ASAH1: variants seen among roughly 807,000 people sequenced by gnomAD.
ASAH1 encodes N-acylsphingosine amidohydrolase 1, also known as acid ceramidase.
In ASAH1, 70 loss-of-function variants were observed where a neutral mutation model predicts 59.5. That is an observed-to-expected ratio of 1.18 (90% CI 0.97 to 1.43). ASAH1 has a LOEUF of 1.43. ASAH1 is among the 40% of genes most tolerant of loss of function. The pLI is 0.00. For missense variants in ASAH1, 660 were observed against 482.5 expected (o/e 1.37, Z -3.45); for synonymous variants, 213 against 166.5 (o/e 1.28, Z -2.15).
chr8:18,080,501 C>T (rs1800607550), intron 1 of ASAH1, among the ~76,000 whole-genome samples: 2 of 152,142 alleles, frequency 1.3e-5, no homozygotes, highest in South Asian at 4.1e-4. Flanking sequence ...TAATATTCAA[C>T]ATAGTTAACC....
At chr8:18,077,911 T>C (rs1252171292) in intron 1 of ASAH1, among the ~76,000 whole-genome samples, 1 of 152,220 alleles carries the variant, frequency 6.6e-6, no homozygotes, top group Non-Finnish European at 1.5e-5. Flanking sequence ...AATACTGTGA[T>C]GGGTACTTAA....
At chr8:18,083,869 A>C in intron 1 of ASAH1, 112 bp downstream of exon 1, 1 of 1,523,506 alleles carries the variant, frequency 6.6e-7, no homozygotes. Context: ...CCCCGTAAAG[A>C]AGCTGCCCAG....
intron 1 of ASAH1, among the ~76,000 whole-genome samples, chr8:18,077,344 C>T (rs112279525): frequency 0.033 from 4,968 of 152,266 alleles, 115 homozygotes; most frequent in South Asian, 0.053. Flanking sequence ...TGCTCAACTC[C>T]GCCTTTTTCT....
At chr8:18,073,665 T>C (rs1464048678) in intron 2 of ASAH1, among the ~76,000 whole-genome samples, 3 of 152,346 alleles carry the variant, frequency 2.0e-5, no homozygotes, top group South Asian at 4.1e-4. Context: ...ATCTTTTTCT[T>C]CCCTCATATC....
intron 1 of ASAH1, among the ~76,000 whole-genome samples, chr8:18,078,377 G>A (rs547906604): frequency 3.9e-5 from 6 of 152,274 alleles, no homozygotes; most frequent in East Asian, 1.9e-4. Context: ...GGTTGATAAC[G>A]ACTCTTGGTA....
Position 18,077,458 on chromosome 8 carries a change from G to A in ASAH1, c.79-1871C>T, listed in dbSNP as rs186327303. Among the ~76,000 whole-genome samples, 12 of 152,024 alleles carry A rather than the reference G, an allele frequency of 7.9e-5. No homozygotes were observed. In the East Asian group the frequency reaches 1.2e-3, roughly 15 times the overall value. ...TCTCAGCTTCTTCGAAAACATCCTC[G>A]CCTGTAGTTGTTTTATACAGATGAT... On this transcript the variant is annotated intron_variant, in intron 1 of 13. Transcript: ENST00000637790.
At chr8:18,084,223 G>A (rs1308253048), upstream of ASAH1, 7 of 1,495,824 alleles carry the variant, frequency 4.7e-6, no homozygotes, top group South Asian at 9.0e-5. Context: ...GGGAGGAGAG[G>A]ACGGGGCTTT....
At chr8:18,078,603 C>A (rs1461938569) in intron 1 of ASAH1, among the ~76,000 whole-genome samples, 1 of 152,074 alleles carries the variant, frequency 6.6e-6, no homozygotes. Flanking sequence ...TACAGGGAGA[C>A]ACAGCTTCAA....
Position 18,071,362 on chromosome 8 carries a change from T to A in ASAH1, c.154A>T (p.Ile52Leu). 1.2e-6 allele frequency: 2 copies of A among 1,600,920 alleles called. No individual in the cohort carries two copies. The highest frequency in any genetic ancestry group is 1.7e-6 in the Non-Finnish European group (2 of 1,170,956). ...TYRGAVPWYT[I>L]NLDLPPYKRW... ...TTGTAGGGTGGTAAGTCAAGATTTA[T>A]GGTGTACCATGGAACTGCACCTCTG... is the stretch of plus-strand genomic sequence containing the variant. Residue 52 changes from isoleucine (I) to leucine (L), a missense_variant, in exon 3 of 14, where the codon ATA becomes TTA. Coordinates refer to ENST00000637790, the MANE Select transcript of ASAH1 (RefSeq NM_177924.5).
At chr8:18,064,575 A>G (rs1799851685) in intron 5 of ASAH1, 44 bp from the exon 6 acceptor site, 1 of 1,093,362 alleles carries the variant, frequency 9.1e-7, no homozygotes, top group Non-Finnish European at 1.4e-6. Context: ...GAACCATGAC[A>G]ATGGGAGAAA....
rs2117018548 is a variant in ASAH1 at position 18,059,596 on chromosome 8, C to T, written c.893G>A (p.Arg298Lys). 1 of 1,614,204 alleles carries T rather than the reference C, an allele frequency of 6.2e-7. No individual in the cohort carries two copies. The highest frequency in any genetic ancestry group is 2.2e-5 in the East Asian group (1 of 44,880). Residue 298 changes from arginine (R) to lysine (K), a missense_variant, in exon 11 of 14, where the codon AGA becomes AAA. Physicochemically the swap from Arg to Lys is conservative, Grantham distance 26. Coordinates refer to ENST00000637790, the MANE Select transcript of ASAH1 (RefSeq NM_177924.5). Reference protein sequence around the residue: ...SGEGCVITRDRKESLDVYELD... With the variant: ...SGEGCVITRDKKESLDVYELD... Reference sequence around the variant, plus strand: ...CTCATATACATCCAATGATTCCTTTCTGTCTCGTGTAATCACACAACCTTC... The same window carrying T: ...CTCATATACATCCAATGATTCCTTTTTGTCTCGTGTAATCACACAACCTTC...
At chr8:18,079,718 C>G (rs1157139458) in intron 1 of ASAH1, among the ~76,000 whole-genome samples, 2 of 152,206 alleles carry the variant, frequency 1.3e-5, no homozygotes, top group Non-Finnish European at 2.9e-5. Flanking sequence ...CCAAACAACT[C>G]TAGCCAGACA....
rs375599238 is a variant in ASAH1, at chr8:18,061,680, A to G, written c.703+6T>C. Reference sequence around the variant, plus strand: ...TTCCCATTTCACTTGAGAATGCTCTACTTACCCAGATAACCACCATTTATA... The same window carrying G: ...TTCCCATTTCACTTGAGAATGCTCTGCTTACCCAGATAACCACCATTTATA... On this transcript the variant is annotated splice_donor_region_variant and intron_variant, in intron 9 of 13. Transcript: ENST00000637790. 1.3e-5 allele frequency: 21 copies of G among 1,584,146 alleles called. No homozygotes were observed. The highest frequency in any genetic ancestry group is 1.7e-5 in the Non-Finnish European group (20 of 1,163,034).
chr8:18,057,717 G>C, intron 13 of ASAH1, 94 bp from the exon 14 acceptor site: 2 of 764,020 alleles, frequency 2.6e-6, no homozygotes, highest in Admixed American at 2.3e-5. Flanking sequence ...ATTTGCTTTA[G>C]AAGTTATTTA....
chr8:18,066,422 C>CAAAAAAAAAAAAAAAAAAACA (rs35999931), intron 5 of ASAH1: 4 of 127,316 alleles, frequency 3.1e-5, no homozygotes, highest in Non-Finnish European at 6.8e-5. Context: ...CAAAGAAAAC[C>CAAAAAAAAAAAAAAAAAAACA]AAAAAAAAAA....
At chr8:18,058,621 A>G (rs1169383167) in intron 13 of ASAH1, 8 of 580,562 alleles carry the variant, frequency 1.4e-5, no homozygotes, top group Non-Finnish European at 2.4e-5. Flanking sequence ...TAAAGCTATA[A>G]ACAATATTCT....
At chr8:18,065,864 T>G (rs1240944331) in intron 5 of ASAH1, 1 of 149,258 alleles carries the variant, frequency 6.7e-6, no homozygotes, top group Non-Finnish European at 1.5e-5. Context: ...ATCACCTGAT[T>G]GTATATACAG....
At chr8:18,075,097 G>A (rs61687179) in intron 2 of ASAH1, among the ~76,000 whole-genome samples, 9 of 147,408 alleles carry the variant, frequency 6.1e-5, no homozygotes, top group South Asian at 4.4e-4. Context: ...CCGGGTTCAC[G>A]CCATTCTCCT....
intron 13 of ASAH1, 81 bp downstream of exon 13, chr8:18,058,754 A>C: frequency 1.6e-6 from 2 of 1,290,106 alleles, no homozygotes; most frequent in Non-Finnish European, 2.3e-6. Flanking sequence ...GCTCAAACTG[A>C]TCAAAGATAA....
Sources: gnomAD v4.1 joint callset for allele counts (sites outside exome capture counted in the v4.1 genomes callset) on GRCh38, gnomAD v4.1.1 for gene constraint, MANE v1.5 for transcripts, NCBI Gene and HGNC (gene_info 2026-07-23, HGNC 2026-07-21) for gene names.